SLC5A4: variants seen among roughly 807,000 people sequenced by gnomAD.
The protein encoded by SLC5A4 is probable glucose sensor protein SLC5A4.
A neutral mutation model predicts 70.3 loss-of-function variants in SLC5A4; 55 were observed. The observed-to-expected ratio is 0.78, with a 90% CI of 0.63 to 0.98. The LOEUF (loss-of-function observed/expected upper bound fraction) is 0.98. Among genes scored for constraint, SLC5A4 ranks in the 50% least tolerant of loss-of-function variants. The probability of loss-of-function intolerance (pLI) is 0.00; values close to 1 mark genes in which losing one functional copy is unlikely to be tolerated. For missense variants in SLC5A4, 735 were observed against 839.2 expected (o/e 0.88, Z 1.53); for synonymous variants, 268 against 305.7 (o/e 0.88, Z 1.29).
intron 12 of SLC5A4, among the ~76,000 whole-genome samples, chr22:32,225,424 A>T (rs1040663092): frequency 6.6e-6 from 1 of 152,212 alleles, no homozygotes. Context: ...TCAACTCTGC[A>T]CCATGTATGT....
chr22:32,311,948 T>A, the SLC5A4 span, among the ~76,000 whole-genome samples: 1 of 151,998 alleles, frequency 6.6e-6, no homozygotes, highest in South Asian at 2.1e-4. Context: ...GAGGGGTTGG[T>A]CTCCTCCTGG....
chr22:32,346,245 T>A, the SLC5A4 span, among the ~76,000 whole-genome samples: 1 of 152,218 alleles, frequency 6.6e-6, no homozygotes, highest in Middle Eastern at 3.2e-3. Context: ...TTTTTCCTAG[T>A]ACATAATTGT....
At chr22:32,341,098 C>G in the SLC5A4 span, among the ~76,000 whole-genome samples, 1 of 152,086 alleles carries the variant, frequency 6.6e-6, no homozygotes, top group African/African-American at 2.4e-5. Flanking sequence ...GTGCCAGTCT[C>G]CCACGTCTAT....
Position 32,218,552 on chromosome 22 carries a change from G to C in SLC5A4, c.1942C>G (p.Leu648Val), listed in dbSNP as rs368585713. 6.2e-7 allele frequency: 1 copy of C among 1,613,640 alleles called. No individual in the cohort carries two copies. Among genetic ancestry groups the C allele is most frequent in the Non-Finnish European group, 8.5e-7 (1 of 1,179,848 alleles). The part of the protein sequence containing the change: ...TIVNINAILL[L>V]AVVVFIHGYY... ...CCGTGAATAAAGACCACCACAGCCA[G>C]GAGGAGGATGGCGTTGATGTTCACT... Residue 648 changes from leucine (L) to valine (V), a missense_variant, in exon 15 of 15, where the codon CTG becomes GTG. Coordinates refer to ENST00000266086, the MANE Select transcript of SLC5A4 (RefSeq NM_014227.3).
chr22:32,284,234 A>G, the SLC5A4 span, among the ~76,000 whole-genome samples: 1 of 152,234 alleles, frequency 6.6e-6, no homozygotes, highest in African/African-American at 2.4e-5. Context: ...TTTGGCATTT[A>G]AGCATAATAT....
the SLC5A4 span, among the ~76,000 whole-genome samples, chr22:32,290,209 T>C: frequency 6.6e-6 from 1 of 152,204 alleles, no homozygotes. Flanking sequence ...TTTTAAGCCC[T>C]GCATGCATTA....
the SLC5A4 span, among the ~76,000 whole-genome samples, chr22:32,264,563 C>G: frequency 6.6e-6 from 1 of 151,980 alleles, no homozygotes; most frequent in African/African-American, 2.4e-5. Flanking sequence ...CGACAGAGAC[C>G]CAGTCTCAAA....
the SLC5A4 span, among the ~76,000 whole-genome samples, chr22:32,300,956 T>C: frequency 6.6e-6 from 1 of 152,184 alleles, no homozygotes; most frequent in Non-Finnish European, 1.5e-5. Context: ...TAGATGGTAG[T>C]TGCATGTTCA....
the SLC5A4 span, among the ~76,000 whole-genome samples, chr22:32,290,548 T>C: frequency 1.3e-5 from 2 of 152,210 alleles, no homozygotes; most frequent in African/African-American, 4.8e-5. Flanking sequence ...TTGGATATGA[T>C]TTTTTCATAA....
chr22:32,268,214 T>TAAGGAGGAAAGATTTCC, the SLC5A4 span: 2 of 152,204 alleles, frequency 1.3e-5, no homozygotes, highest in Non-Finnish European at 2.9e-5. Flanking sequence ...TCTATGTATA[T>TAAGGAGGAAAGATTTCC]AAGGAGGAAA....
the SLC5A4 span, among the ~76,000 whole-genome samples, chr22:32,317,472 A>AT: frequency 0.026 from 3,885 of 152,080 alleles, 136 homozygotes; most frequent in African/African-American, 0.088. Flanking sequence ...AAATTATTTT[A>AT]TTTTTTTAGA....
intron 4 of SLC5A4, 116 bp downstream of exon 4, chr22:32,248,627 G>T: frequency 1.3e-6 from 1 of 761,592 alleles, no homozygotes. Context: ...CTCTGCTGTG[G>T]CACCTAAATA....
the SLC5A4 span, among the ~76,000 whole-genome samples, chr22:32,261,379 C>A: frequency 6.6e-6 from 1 of 152,328 alleles, no homozygotes; most frequent in East Asian, 1.9e-4. Flanking sequence ...TCTCTGCAGC[C>A]CCTAGAGCAA....
At chr22:32,244,354 A>G (rs1186750009) in intron 5 of SLC5A4, among the ~76,000 whole-genome samples, 1 of 152,196 alleles carries the variant, frequency 6.6e-6, no homozygotes, top group African/African-American at 2.4e-5. Context: ...CCTCATCCAC[A>G]GAGGGGCGAG....
At chr22:32,293,350 T>C in the SLC5A4 span, among the ~76,000 whole-genome samples, 1 of 152,266 alleles carries the variant, frequency 6.6e-6, no homozygotes, top group East Asian at 1.9e-4. Context: ...ACCTGTTTTA[T>C]ATTCTTCTTT....
intron 5 of SLC5A4, among the ~76,000 whole-genome samples, chr22:32,245,755 A>C (rs1926782863): frequency 6.6e-6 from 1 of 152,152 alleles, no homozygotes; most frequent in Non-Finnish European, 1.5e-5. Context: ...TCTTGACCTC[A>C]TGATCTGCCT....
the SLC5A4 span, among the ~76,000 whole-genome samples, chr22:32,334,170 A>G: frequency 0.056 from 8,534 of 151,422 alleles, 254 homozygotes; most frequent in South Asian, 0.086. Context: ...CCACACAGAC[A>G]TCACACAATG....
At chr22:32,325,372 T>C in the SLC5A4 span, among the ~76,000 whole-genome samples, 49 of 151,632 alleles carry the variant, frequency 3.2e-4, no homozygotes, top group African/African-American at 9.9e-4. Context: ...GGGGTGGAGA[T>C]TGGGGAAAAA....
chr22:32,345,884 CAG>C, the SLC5A4 span, among the ~76,000 whole-genome samples: 1 of 152,216 alleles, frequency 6.6e-6, no homozygotes, highest in South Asian at 2.1e-4. Context: ...TAAATTGCCA[CAG>C]AGGTTATTTA....
Sources: allele counts gnomAD v4.1 joint callset (sites outside exome capture counted in the v4.1 genomes callset), GRCh38; gene constraint gnomAD v4.1.1; transcripts MANE v1.5; gene names NCBI Gene and HGNC (gene_info 2026-07-23, HGNC 2026-07-21).